Variants in ATP6V1H observed in about 807,000 individuals in gnomAD.
ATP6V1H encodes V-type proton ATPase subunit H.
In ATP6V1H, 39 loss-of-function variants were observed where a neutral mutation model predicts 71.7. That is an observed-to-expected ratio of 0.54 (90% confidence interval 0.42 to 0.71). The LOEUF (loss-of-function observed/expected upper bound fraction) is 0.71, where lower values mean the gene tolerates loss of function less well. ATP6V1H is among the 30% of genes least tolerant of loss of function. The pLI is 0.00. For missense variants in ATP6V1H, 509 were observed against 594.9 expected, an observed-to-expected ratio of 0.86 and a Z score of 1.50; for synonymous variants, 192 against 199.3, an observed-to-expected ratio of 0.96 and a Z score of 0.31.
At chr8:53,808,328 A>C (rs942851655) in intron 7 of ATP6V1H, among the ~76,000 whole-genome samples, 3 of 152,246 alleles carry the variant, frequency 2.0e-5, no homozygotes, top group African/African-American at 7.2e-5. Flanking sequence ...CTTCCTCAGA[A>C]GAAAAGACTT....
At chr8:53,745,065 T>C (rs1273100778) in intron 12 of ATP6V1H, among the ~76,000 whole-genome samples, 1 of 152,126 alleles carries the variant, frequency 6.6e-6, no homozygotes, top group Non-Finnish European at 1.5e-5. Context: ...TGATTTTTAC[T>C]ACTTAAAACA....
At chr8:53,736,129 T>C (rs1393432669) in intron 13 of ATP6V1H, among the ~76,000 whole-genome samples, 1 of 152,224 alleles carries the variant, frequency 6.6e-6, no homozygotes, top group African/African-American at 2.4e-5. Context: ...TCTGTCACTG[T>C]ACTCAATCTT....
chr8:53,766,916 A>G (rs922120940), intron 11 of ATP6V1H, among the ~76,000 whole-genome samples: 3 of 152,092 alleles, frequency 2.0e-5, no homozygotes, highest in African/African-American at 7.2e-5. Context: ...CCCTGCCTCC[A>G]CTGGCCTTGT....
At chr8:53,769,037 T>C (rs1412079670) in intron 11 of ATP6V1H, among the ~76,000 whole-genome samples, 1 of 152,172 alleles carries the variant, frequency 6.6e-6, no homozygotes, top group Non-Finnish European at 1.5e-5. Flanking sequence ...TGGGGCTGGT[T>C]CAATTAGATA....
chr8:53,807,545 A>C (rs938730592), intron 7 of ATP6V1H, among the ~76,000 whole-genome samples: 3 of 152,226 alleles, frequency 2.0e-5, no homozygotes, highest in Non-Finnish European at 4.4e-5. Flanking sequence ...GAAGGAAGCC[A>C]GTCACAGAAG....
Position 53,829,543 on chromosome 8 carries a change from A to C in ATP6V1H, c.217-10T>G. On this transcript the variant is annotated splice_polypyrimidine_tract_variant and intron_variant, in intron 3 of 13. Transcript: ENST00000359530. The stretch of plus-strand genomic sequence containing the variant: ...TAAATGTTTTAGCACACTAAAAAAA[A>C]AAATGAAATTAAAGTTATTGTTTTT... The C allele has an allele frequency of 6.5e-7, 1 of 1,527,516 alleles. No homozygotes were observed. Among genetic ancestry groups the C allele is most frequent in the Non-Finnish European group, 8.9e-7 (1 of 1,126,588 alleles). The allele number at this position is 1,527,516 out of a possible 1,614,324, so 94.6% of individuals were successfully genotyped here.
chr8:53,780,205 A>G (rs1809057778), intron 9 of ATP6V1H, among the ~76,000 whole-genome samples: 2 of 151,908 alleles, frequency 1.3e-5, no homozygotes, highest in Non-Finnish European at 2.9e-5. Flanking sequence ...GGCTTCAACT[A>G]TAACTTCAAC....
chr8:53,784,389 G>A (rs1299083894), intron 9 of ATP6V1H, among the ~76,000 whole-genome samples: 1 of 152,046 alleles, frequency 6.6e-6, no homozygotes, highest in Non-Finnish European at 1.5e-5. Context: ...CCATTGGCTT[G>A]GTAGATCTTC....
intron 9 of ATP6V1H, 112 bp from the exon 10 acceptor site, chr8:53,772,279 C>T: frequency 1.2e-6 from 1 of 835,588 alleles, no homozygotes; most frequent in South Asian, 1.8e-5. Context: ...TCAAGTTTAA[C>T]TATCACCTTT....
chr8:53,731,137 G>A (rs1248986043), intron 13 of ATP6V1H, among the ~76,000 whole-genome samples: 3 of 152,054 alleles, frequency 2.0e-5, no homozygotes, highest in Non-Finnish European at 2.9e-5. Context: ...CAGGCTCACA[G>A]GGTGCCTTTG....
chr8:53,757,141 G>A lies in ATP6V1H; in HGVS notation c.1176-485C>T, dbSNP rs151070850. The stretch of plus-strand genomic sequence containing the variant: ...GAACATATACTTTCCAAACAGTGAA[G>A]TCCATAACAGCAAGAGAAAAGATGG... On this transcript the variant is annotated intron_variant, in intron 11 of 13. Coordinates refer to ENST00000359530, the MANE Select transcript of ATP6V1H (RefSeq NM_015941.4). 4.6e-5 allele frequency among the ~76,000 whole-genome samples: 7 copies of A among 152,264 alleles called. 1 individual carries two copies. In the South Asian group the frequency reaches 6.2e-4, roughly 14 times the overall value.
At chr8:53,761,987 C>G (rs1808287861) in intron 11 of ATP6V1H, among the ~76,000 whole-genome samples, 2 of 152,108 alleles carry the variant, frequency 1.3e-5, no homozygotes. Flanking sequence ...AAGGAGCAAC[C>G]TGATTTACAA....
chr8:53,836,216 T>G (rs760832582), intron 2 of ATP6V1H, among the ~76,000 whole-genome samples: 3 of 152,068 alleles, frequency 2.0e-5, no homozygotes, highest in Non-Finnish European at 2.9e-5. Flanking sequence ...AAAAATAATT[T>G]TACCCCTAAA....
At chr8:53,751,012 G>A (rs1807775935) in intron 12 of ATP6V1H, among the ~76,000 whole-genome samples, 1 of 152,070 alleles carries the variant, frequency 6.6e-6, no homozygotes, top group African/African-American at 2.4e-5. Context: ...TCACAGAGGA[G>A]GAAACCAAGG....
chr8:53,811,892 A>G (rs1810286335), intron 6 of ATP6V1H, among the ~76,000 whole-genome samples: 2 of 152,166 alleles, frequency 1.3e-5, no homozygotes, highest in African/African-American at 4.8e-5. Flanking sequence ...AGGCCACTAT[A>G]AGGTCAAAGA....
intron 4 of ATP6V1H, among the ~76,000 whole-genome samples, chr8:53,818,581 A>T (rs1810530155): frequency 6.6e-6 from 1 of 152,180 alleles, no homozygotes; most frequent in African/African-American, 2.4e-5. Context: ...AATTCAGATG[A>T]GCCATCATTG....
rs141923261 is a variant in ATP6V1H at position 53,804,922 on chromosome 8, T to C, written c.580-3026A>G. Among the ~76,000 whole-genome samples, 5 of 152,140 alleles carry C rather than the reference T, an allele frequency of 3.3e-5. No individual in the cohort carries two copies. In the South Asian group the frequency reaches 1.0e-3, roughly 31 times the overall value. ...AATGCAAGCTCTTACTATATTACAG[T>C]GAAAGTCACAACACAAAGATAATAG... On this transcript the variant is annotated intron_variant, in intron 7 of 13. Transcript: ENST00000359530.
At chr8:53,751,954 C>G (rs1807814414) in intron 12 of ATP6V1H, among the ~76,000 whole-genome samples, 1 of 152,152 alleles carries the variant, frequency 6.6e-6, no homozygotes, top group Non-Finnish European at 1.5e-5. Context: ...AGGTGTGAGC[C>G]ACTGTGCCCG....
rs150546661 is a variant in ATP6V1H at position 53,719,493 on chromosome 8, G to A, written c.1392-3469C>T. Among the ~76,000 whole-genome samples, 357 of 152,234 alleles carry A rather than the reference G, an allele frequency of 2.3e-3. 2 individuals carry two copies. The highest frequency in any genetic ancestry group is 8.1e-3 in the African/African-American group (336 of 41,544). On this transcript the variant is annotated intron_variant, in intron 13 of 13. Coordinates refer to ENST00000359530, the MANE Select transcript of ATP6V1H (RefSeq NM_015941.4). ...ACTATAGCTTGCTCCCCTGAATGTC[G>A]AATGACATTATGTAGTCAATGAAAA... is the stretch of plus-strand genomic sequence containing the variant.
Sources: allele counts gnomAD v4.1 joint callset (sites outside exome capture counted in the v4.1 genomes callset), GRCh38; gene constraint gnomAD v4.1.1; transcripts MANE v1.5; gene names NCBI Gene and HGNC (gene_info 2026-07-23, HGNC 2026-07-21).